The following QTMAN variants were observed in gnomAD, a reference collection of about 807,000 sequenced individuals.
QTMAN encodes the protein queuosine-tRNA mannosyltransferase.
At chr2:144,125,237 C>CT in the QTMAN span, among the ~76,000 whole-genome samples, 24 of 148,412 alleles carry the variant, frequency 1.6e-4, no homozygotes, top group East Asian at 3.9e-4. Flanking sequence ...TAAAAGAAGG[C>CT]TTTTTTTTTT....
the QTMAN span, among the ~76,000 whole-genome samples, chr2:144,245,376 G>A: frequency 6.6e-5 from 10 of 152,104 alleles, no homozygotes; most frequent in Non-Finnish European, 1.0e-4. Context: ...ATTCATCTTG[G>A]TGAAAAGTCT....
chr2:144,241,338 C>T, the QTMAN span, among the ~76,000 whole-genome samples: 1 of 152,198 alleles, frequency 6.6e-6, no homozygotes, highest in African/African-American at 2.4e-5. Flanking sequence ...AATTTACTAG[C>T]TATATGACCC....
At chr2:144,148,943 C>T in the QTMAN span, among the ~76,000 whole-genome samples, 1 of 151,850 alleles carries the variant, frequency 6.6e-6, no homozygotes, top group East Asian at 1.9e-4. Flanking sequence ...CATCTCTTTG[C>T]TTTTCTTGCT....
At chr2:144,320,488 T>C in the QTMAN span, among the ~76,000 whole-genome samples, 3 of 152,332 alleles carry the variant, frequency 2.0e-5, no homozygotes, top group African/African-American at 7.2e-5. Context: ...CACTTTGGTC[T>C]CCCTTTTGGC....
chr2:144,058,114 C>CA, the QTMAN span, among the ~76,000 whole-genome samples: 10 of 128,060 alleles, frequency 7.8e-5, no homozygotes, highest in East Asian at 5.4e-4. Flanking sequence ...AGAAAGAACC[C>CA]CCCTCCCCCA....
the QTMAN span, among the ~76,000 whole-genome samples, chr2:143,979,087 T>C: frequency 6.6e-6 from 1 of 152,070 alleles, no homozygotes; most frequent in Non-Finnish European, 1.5e-5. Flanking sequence ...TAAAACCATG[T>C]TCTAAAGTGT....
chr2:144,024,003 T>TAA, the QTMAN span, among the ~76,000 whole-genome samples: 1 of 152,252 alleles, frequency 6.6e-6, no homozygotes, highest in Non-Finnish European at 1.5e-5. Flanking sequence ...TGCCAGGGTA[T>TAA]AACTGAGTCC....
the QTMAN span, among the ~76,000 whole-genome samples, chr2:144,288,053 C>T: frequency 6.6e-6 from 1 of 151,882 alleles, no homozygotes; most frequent in Non-Finnish European, 1.5e-5. Flanking sequence ...CGGGGTTTCA[C>T]CATATTGGGG....
At chr2:144,237,568 C>T in the QTMAN span, among the ~76,000 whole-genome samples, 19 of 152,140 alleles carry the variant, frequency 1.2e-4, no homozygotes, top group Admixed American at 1.2e-3. Flanking sequence ...TAAAGAACCA[C>T]GTTCTATCCA....
At chr2:144,107,019 C>A in the QTMAN span, among the ~76,000 whole-genome samples, 1 of 152,150 alleles carries the variant, frequency 6.6e-6, no homozygotes, top group Non-Finnish European at 1.5e-5. Flanking sequence ...GGGTACATAA[C>A]AAAATGAAGG....
the QTMAN span, among the ~76,000 whole-genome samples, chr2:144,131,470 A>G: frequency 6.6e-6 from 1 of 151,550 alleles, no homozygotes; most frequent in Admixed American, 6.6e-5. Context: ...TCTGTTTCTT[A>G]TCTCCTTTTC....
At chr2:144,188,920 T>A in the QTMAN span, among the ~76,000 whole-genome samples, 1 of 152,174 alleles carries the variant, frequency 6.6e-6, no homozygotes. Context: ...TGTTTCATAC[T>A]ACTATAATTA....
chr2:143,961,515 T>A, the QTMAN span, among the ~76,000 whole-genome samples: 1 of 152,166 alleles, frequency 6.6e-6, no homozygotes, highest in African/African-American at 2.4e-5. Context: ...TTAATTAATT[T>A]ATTTTCCTGT....
At chr2:143,977,131 T>C in the QTMAN span, among the ~76,000 whole-genome samples, 36 of 152,284 alleles carry the variant, frequency 2.4e-4, no homozygotes, top group East Asian at 6.2e-3. Context: ...GTTATAAATT[T>C]TAATCAATTT....
At chr2:144,119,282 C>A in the QTMAN span, among the ~76,000 whole-genome samples, 1 of 152,176 alleles carries the variant, frequency 6.6e-6, no homozygotes, top group East Asian at 1.9e-4. Context: ...TTTGCACTAA[C>A]CATGTGCACA....
At chr2:144,087,937 T>C in the QTMAN span, among the ~76,000 whole-genome samples, 1 of 151,962 alleles carries the variant, frequency 6.6e-6, no homozygotes, top group Non-Finnish European at 1.5e-5. Flanking sequence ...AACATAGTAC[T>C]AGTCCTGGAA....
the QTMAN span, among the ~76,000 whole-genome samples, chr2:143,973,812 G>A: frequency 6.6e-6 from 1 of 151,456 alleles, no homozygotes; most frequent in Non-Finnish European, 1.5e-5. Flanking sequence ...AGAAAAATGA[G>A]AAATTGCCTA....
chr2:144,332,207 G>C, the QTMAN span, among the ~76,000 whole-genome samples: 2 of 152,014 alleles, frequency 1.3e-5, no homozygotes, highest in South Asian at 2.1e-4. Context: ...AGCGCGGTGC[G>C]GACGGCGGCG....
chr2:144,233,050 G>A, the QTMAN span, among the ~76,000 whole-genome samples: 1 of 152,112 alleles, frequency 6.6e-6, no homozygotes, highest in African/African-American at 2.4e-5. Context: ...CTCTAAAAGT[G>A]AGTATTCAAT....
Sources: gnomAD v4.1 joint callset for allele counts (sites outside exome capture counted in the v4.1 genomes callset) on GRCh38, gnomAD v4.1.1 for gene constraint, MANE v1.5 for transcripts, NCBI Gene and HGNC (gene_info 2026-07-23, HGNC 2026-07-21) for gene names.